ADAMTSL1: variants seen among roughly 807,000 people sequenced by gnomAD.
ADAMTSL1 encodes the protein ADAMTS-like protein 1.
A neutral mutation model predicts 201.8 loss-of-function variants in ADAMTSL1; 126 were observed. The ratio of observed to expected loss-of-function variants is 0.62; its 90% confidence interval spans 0.54 to 0.72. The LOEUF (loss-of-function observed/expected upper bound fraction) is 0.72. Among genes scored for constraint, ADAMTSL1 ranks in the 30% least tolerant of loss-of-function variants. The pLI is 0.00. For synonymous variants in ADAMTSL1, 1,121 were observed against 903.4 expected (o/e 1.24, Z -4.32); for missense variants, 2,679 against 2,277.8 (o/e 1.18, Z -3.59).
At chr9:18,763,664 T>G (rs1033628107) in intron 16 of ADAMTSL1, among the ~76,000 whole-genome samples, 2 of 152,154 alleles carry the variant, frequency 1.3e-5, no homozygotes, top group African/African-American at 4.8e-5. Flanking sequence ...TTTTTGTATA[T>G]GGCAAGAGAT....
intron 20 of ADAMTSL1, among the ~76,000 whole-genome samples, chr9:18,812,237 C>A (rs1232855312): frequency 6.6e-6 from 1 of 151,920 alleles, no homozygotes; most frequent in Non-Finnish European, 1.5e-5. Flanking sequence ...ACACATAGAT[C>A]AGTGGAACAG....
At chr9:18,589,906 G>C (rs1443706088) in intron 4 of ADAMTSL1, among the ~76,000 whole-genome samples, 2 of 152,054 alleles carry the variant, frequency 1.3e-5, no homozygotes, top group African/African-American at 4.8e-5. Flanking sequence ...TGCATCCCTG[G>C]AATTATTCCC....
intron 12 of ADAMTSL1, among the ~76,000 whole-genome samples, chr9:18,682,353 C>G (rs545173927): frequency 6.6e-6 from 1 of 152,110 alleles, no homozygotes. Context: ...GGCTGAAGTA[C>G]ATTGGGAAGT....
At chr9:18,546,814 C>T (rs1820498026) in intron 3 of ADAMTSL1, among the ~76,000 whole-genome samples, 1 of 152,122 alleles carries the variant, frequency 6.6e-6, no homozygotes, top group African/African-American at 2.4e-5. Context: ...TTTCCAGGCA[C>T]ACCACCCCTA....
intron 20 of ADAMTSL1, among the ~76,000 whole-genome samples, chr9:18,806,224 G>A (rs745519375): frequency 1.3e-5 from 2 of 152,172 alleles, no homozygotes; most frequent in Non-Finnish European, 2.9e-5. Context: ...GGTAAAATAT[G>A]ATAGTTTATT....
intron 1 of ADAMTSL1, among the ~76,000 whole-genome samples, chr9:18,004,503 G>A (rs2131540816): frequency 6.6e-6 from 1 of 152,168 alleles, no homozygotes; most frequent in Middle Eastern, 3.4e-3. Context: ...CACATGCCAA[G>A]GGGAGAGTGG....
intron 13 of ADAMTSL1, among the ~76,000 whole-genome samples, chr9:18,697,832 AG>A (rs892490575): frequency 6.6e-6 from 1 of 152,170 alleles, no homozygotes; most frequent in African/African-American, 2.4e-5. Context: ...GGGTTACTGA[AG>A]GGAGAAATCA....
chr9:18,373,023 A>C (rs1367604276), intron 2 of ADAMTSL1, among the ~76,000 whole-genome samples: 1 of 152,188 alleles, frequency 6.6e-6, no homozygotes, highest in Admixed American at 6.5e-5. Flanking sequence ...AGCCTGAAGG[A>C]GGCTAGCCGC....
intron 2 of ADAMTSL1, among the ~76,000 whole-genome samples, chr9:18,385,811 A>T (rs889675585): frequency 2.0e-5 from 3 of 152,182 alleles, no homozygotes; most frequent in Non-Finnish European, 4.4e-5. Context: ...CATGCTTGTC[A>T]CATTTATAGT....
chr9:17,932,706 AG>A (rs1204098467), intron 1 of ADAMTSL1, among the ~76,000 whole-genome samples: 2 of 152,142 alleles, frequency 1.3e-5, no homozygotes, highest in Admixed American at 1.3e-4. Context: ...CCTTTAGTGC[AG>A]GCTATCCTGG....
At chr9:18,206,577 G>C (rs1371326665) in intron 2 of ADAMTSL1, among the ~76,000 whole-genome samples, 1 of 151,940 alleles carries the variant, frequency 6.6e-6, no homozygotes, top group Middle Eastern at 3.2e-3. Context: ...ACACTGAGCA[G>C]ACTTCTAGCC....
chr9:18,509,426 G>A (rs1817890802), intron 2 of ADAMTSL1, among the ~76,000 whole-genome samples: 3 of 152,120 alleles, frequency 2.0e-5, no homozygotes, highest in Admixed American at 1.3e-4. Flanking sequence ...CATTGCCACA[G>A]TAATGCTGCA....
At chr9:18,019,436 G>T (rs944845054) in intron 1 of ADAMTSL1, among the ~76,000 whole-genome samples, 1 of 151,990 alleles carries the variant, frequency 6.6e-6, no homozygotes, top group African/African-American at 2.4e-5. Context: ...GAGTGTGACC[G>T]GACCTTTGTT....
intron 2 of ADAMTSL1, among the ~76,000 whole-genome samples, chr9:18,400,673 T>C (rs968708623): frequency 1.8e-4 from 28 of 152,204 alleles, no homozygotes; most frequent in Non-Finnish European, 3.5e-4. Flanking sequence ...GCTTAAAATG[T>C]GTATATGTCT....
intron 2 of ADAMTSL1, among the ~76,000 whole-genome samples, chr9:18,432,860 G>A (rs913367378): frequency 1.3e-5 from 2 of 152,158 alleles, no homozygotes; most frequent in Admixed American, 1.3e-4. Flanking sequence ...GTGGGATTTA[G>A]TGTCTTCAGA....
At chr9:18,822,129 G>T (rs1175532618) in intron 21 of ADAMTSL1, among the ~76,000 whole-genome samples, 1 of 152,144 alleles carries the variant, frequency 6.6e-6, no homozygotes, top group Non-Finnish European at 1.5e-5. Flanking sequence ...AGGTTAGCAT[G>T]TGGAGCCTAT....
chr9:18,865,553 C>T (rs1044159391), intron 23 of ADAMTSL1, among the ~76,000 whole-genome samples: 1 of 152,168 alleles, frequency 6.6e-6, no homozygotes, highest in Non-Finnish European at 1.5e-5. Flanking sequence ...ATTTGGTTTT[C>T]TTATTGGGTA....
chr9:18,381,634 G>A (rs1837558467), intron 2 of ADAMTSL1, among the ~76,000 whole-genome samples: 1 of 152,146 alleles, frequency 6.6e-6, no homozygotes, highest in African/African-American at 2.4e-5. Flanking sequence ...CAGAGAAGGA[G>A]ACGGTTCCTT....
chr9:18,680,065 CA>C (rs1490315608), intron 10 of ADAMTSL1, among the ~76,000 whole-genome samples: 2 of 152,176 alleles, frequency 1.3e-5, no homozygotes, highest in Admixed American at 1.3e-4. Context: ...TCTTTGTGGA[CA>C]GCTCTCAAAA....
Sources: gnomAD v4.1 joint callset for allele counts (sites outside exome capture counted in the v4.1 genomes callset) on GRCh38, gnomAD v4.1.1 for gene constraint, MANE v1.5 for transcripts, NCBI Gene and HGNC (gene_info 2026-07-23, HGNC 2026-07-21) for gene names.